ADD2: variants seen among roughly 807,000 people sequenced by gnomAD.
ADD2 encodes adducin 2, also known as beta-adducin.
In ADD2, 23 loss-of-function variants were observed where a neutral mutation model predicts 83.0. The ratio of observed to expected loss-of-function variants is 0.28; its 90% confidence interval spans 0.20 to 0.39. The LOEUF (loss-of-function observed/expected upper bound fraction) is 0.39. Ranked by LOEUF, ADD2 falls within the 10% of genes least tolerant of loss-of-function variation. The pLI is 1.00. For missense variants in ADD2, 758 were observed against 944.9 expected, an observed-to-expected ratio of 0.80 and a Z score of 2.59; for synonymous variants, 375 against 375.4, an observed-to-expected ratio of 1.00 and a Z score of 0.01.
intron 1 of ADD2, among the ~76,000 whole-genome samples, chr2:70,738,369 T>C (rs557871784): frequency 4.1e-4 from 62 of 152,344 alleles, no homozygotes; most frequent in Non-Finnish European, 5.6e-4. Context: ...AATGATCATT[T>C]ACTCATCGAG....
Position 70,726,186 on chromosome 2 carries a change from CAAAAAAA to C in ADD2, c.-153-13009_-153-13003del, listed in dbSNP as rs34333514. ...TGGGCGACAGAGCGAGACTCCATCT[CAAAAAAA>C]AAAAAAAAAAAAAAAAAAAGAATGT... On this transcript the variant is annotated intron_variant, in intron 1 of 15. Coordinates refer to ENST00000264436, the MANE Select transcript of ADD2 (RefSeq NM_001617.4). Among the ~76,000 whole-genome samples the C allele has an allele frequency of 1.8e-3, 82 of 45,488 alleles. 3 individuals carry two copies. The highest frequency in any genetic ancestry group is 1.9e-3 in the East Asian group (4 of 2,074). The allele number at this position is 45,488 out of a possible 152,430, so 29.8% of individuals were successfully genotyped here.
intron 9 of ADD2, 133 bp downstream of exon 9, chr2:70,687,891 G>A (rs1281465575): frequency 3.1e-6 from 2 of 648,430 alleles, no homozygotes; most frequent in Non-Finnish European, 2.7e-6. Context: ...CCAAGGCAGA[G>A]AAATAGGGCA....
chr2:70,760,530 A>C (rs1308650672), intron 1 of ADD2: 1 of 152,262 alleles, frequency 6.6e-6, no homozygotes, highest in Non-Finnish European at 1.5e-5. Context: ...GTTTCAGAGA[A>C]ACAAGTCTGA....
chr2:70,681,237 A>C (rs1670434104), intron 10 of ADD2, among the ~76,000 whole-genome samples: 1 of 152,162 alleles, frequency 6.6e-6, no homozygotes, highest in Non-Finnish European at 1.5e-5. Flanking sequence ...GGACTCAGTC[A>C]GTTCTGTGGC....
intron 1 of ADD2, among the ~76,000 whole-genome samples, chr2:70,733,517 G>A (rs1205132658): frequency 2.6e-5 from 4 of 152,206 alleles, no homozygotes; most frequent in Non-Finnish European, 5.9e-5. Context: ...CAAGCGCTGA[G>A]TTTAATTTCC....
chr2:70,739,894 G>A (rs1375056458), intron 1 of ADD2, among the ~76,000 whole-genome samples: 2 of 152,164 alleles, frequency 1.3e-5, no homozygotes, highest in Non-Finnish European at 2.9e-5. Context: ...GGAGAAGGGA[G>A]AGATCAGAAA....
At chr2:70,714,785 C>T (rs1296651625) in intron 1 of ADD2, among the ~76,000 whole-genome samples, 1 of 152,228 alleles carries the variant, frequency 6.6e-6, no homozygotes, top group Non-Finnish European at 1.5e-5. Context: ...CAAACACCAG[C>T]TTCCTCTCCT....
At position 70,683,636 on chromosome 2, in the gene ADD2, C is replaced by G. The variant is rs782511960; in HGVS notation, c.1080G>C (p.Leu360=). The change falls in exon 10 of 16, where the codon CTG becomes CTC. Residue 360 remains leucine, a synonymous_variant. Coordinates refer to ENST00000264436, the MANE Select transcript of ADD2 (RefSeq NM_001617.4). ...STFGPMQKSR[L]GEHEFEALMR... ...TGAGGGCCTCAAACTCATGCTCCCC[C>G]AGCCGACTCTTCTGCATAGGCCCAA... 6.2e-7 allele frequency: 1 copy of G among 1,614,042 alleles called. No homozygotes were observed. Among genetic ancestry groups the G allele is most frequent in the South Asian group, 1.1e-5 (1 of 91,060 alleles).
At chr2:70,713,876 G>A (rs1553375906) in intron 1 of ADD2, among the ~76,000 whole-genome samples, 1 of 152,060 alleles carries the variant, frequency 6.6e-6, no homozygotes, top group African/African-American at 2.4e-5. Context: ...AGATGCTAAT[G>A]TGAGTGATGT....
intron 1 of ADD2, among the ~76,000 whole-genome samples, chr2:70,724,612 G>A (rs1305942852): frequency 6.6e-6 from 1 of 152,170 alleles, no homozygotes; most frequent in East Asian, 1.9e-4. Context: ...GTGGCTCTAG[G>A]CCCCCCTGCC....
At chr2:70,668,306 C>T (rs1669755121) in intron 15 of ADD2, among the ~76,000 whole-genome samples, 1 of 152,016 alleles carries the variant, frequency 6.6e-6, no homozygotes, top group African/African-American at 2.4e-5. Context: ...CCCCAGCTTC[C>T]TAGGCACCAC....
At chr2:70,673,771 A>G (rs1375765513) in intron 14 of ADD2, among the ~76,000 whole-genome samples, 1 of 152,038 alleles carries the variant, frequency 6.6e-6, no homozygotes, top group Non-Finnish European at 1.5e-5. Context: ...TAATTTTTGT[A>G]TTTTTAGTAG....
intron 13 of ADD2, chr2:70,675,779 G>A (rs1224773330): frequency 1.0e-6 from 1 of 985,438 alleles, no homozygotes; most frequent in South Asian, 4.7e-5. Context: ...AGTCAACCGA[G>A]AATCCAAGAC....
At chr2:70,673,551 C>G (rs1669997040) in intron 14 of ADD2, among the ~76,000 whole-genome samples, 2 of 152,186 alleles carry the variant, frequency 1.3e-5, no homozygotes, top group Non-Finnish European at 2.9e-5. Context: ...ATTTGCTTTT[C>G]AATTGGCACA....
At chr2:70,696,815 T>C (rs562107500) in intron 4 of ADD2, among the ~76,000 whole-genome samples, 2 of 152,346 alleles carry the variant, frequency 1.3e-5, no homozygotes, top group South Asian at 4.1e-4. Flanking sequence ...TACATTGTTT[T>C]AACGACACCA....
intron 9 of ADD2, among the ~76,000 whole-genome samples, chr2:70,684,099 G>C (rs1670599626): frequency 6.6e-6 from 1 of 152,182 alleles, no homozygotes; most frequent in African/African-American, 2.4e-5. Context: ...AGACAGGAAA[G>C]GACTTCAAAG....
chr2:70,728,090 A>T (rs1304599312), intron 1 of ADD2, among the ~76,000 whole-genome samples: 22 of 152,050 alleles, frequency 1.4e-4, no homozygotes, highest in African/African-American at 3.9e-4. Context: ...TTTAGAAGAA[A>T]CACTGCTGTG....
chr2:70,664,255 A>G (rs1553365650), intron 15 of ADD2, among the ~76,000 whole-genome samples: 2 of 152,216 alleles, frequency 1.3e-5, no homozygotes, highest in Non-Finnish European at 2.9e-5. Flanking sequence ...GGAGAGTGGA[A>G]TTCCTTATAT....
chr2:70,683,720 CAGG>C lies in ADD2; in HGVS notation c.993_995del (p.Leu332del). ...CATGGGGCCGGTGCTTCTCCTGCTC[CAGG>C]AGGATGAGGTTCTCCACTCCCCCGG... On this transcript the variant is annotated inframe_deletion, in exon 10 of 16. Coordinates refer to ENST00000264436, the MANE Select transcript of ADD2 (RefSeq NM_001617.4). The C allele has an allele frequency of 6.2e-7, 1 of 1,614,154 alleles. No individual in the cohort carries two copies. The highest frequency in any genetic ancestry group is 8.5e-7 in the Non-Finnish European group (1 of 1,180,002).
Sources: allele counts gnomAD v4.1 joint callset (sites outside exome capture counted in the v4.1 genomes callset), GRCh38; gene constraint gnomAD v4.1.1; transcripts MANE v1.5; gene names NCBI Gene and HGNC (gene_info 2026-07-23, HGNC 2026-07-21).